The following CDIP1 variants were observed in gnomAD, a reference collection of about 807,000 sequenced individuals.
CDIP1 encodes the protein cell death-inducing p53-target protein 1.
In CDIP1, 9 loss-of-function variants were observed where a neutral mutation model predicts 17.7. That is an observed-to-expected ratio of 0.51 (90% CI 0.31 to 0.89). CDIP1 has a LOEUF of 0.89. Among genes scored for constraint, CDIP1 ranks in the 40% least tolerant of loss-of-function variants. The pLI is 0.05. For synonymous variants in CDIP1, 117 were observed against 109.5 expected, an observed-to-expected ratio of 1.07 and a Z score of -0.43; for missense variants, 263 against 277.9, an observed-to-expected ratio of 0.95 and a Z score of 0.38.
chr16:4,515,121 G>C (rs2058876013), intron 1 of CDIP1: 1 of 152,212 alleles, frequency 6.6e-6, no homozygotes, highest in Admixed American at 6.5e-5. Flanking sequence ...TAAAGGACTT[G>C]GGAAGTGGGG....
At chr16:4,515,357 G>A (rs1006681536) in intron 1 of CDIP1, among the ~76,000 whole-genome samples, 1 of 152,150 alleles carries the variant, frequency 6.6e-6, no homozygotes, top group African/African-American at 2.4e-5. Flanking sequence ...AACTGAAAGA[G>A]ATCAAAAAGC....
intron 1 of CDIP1, among the ~76,000 whole-genome samples, chr16:4,527,967 C>T (rs1204552307): frequency 2.6e-5 from 4 of 152,280 alleles, no homozygotes; most frequent in Non-Finnish European, 4.4e-5. Flanking sequence ...CACGCACCCG[C>T]CACTAAGCCT....
intron 1 of CDIP1, among the ~76,000 whole-genome samples, chr16:4,534,024 A>C (rs865184): frequency 0.96 from 146,784 of 152,114 alleles, 71,043 homozygotes; most frequent in East Asian, 1. Context: ...GATCTCGGCT[A>C]GCTGCAACCC....
chr16:4,533,205 G>C (rs1242623059), intron 1 of CDIP1: 3 of 152,302 alleles, frequency 2.0e-5, no homozygotes, highest in Non-Finnish European at 4.4e-5. Context: ...GGTGAGGCCT[G>C]TCATGGGCTT....
Position 4,514,432 on chromosome 16 carries a change from G to C in CDIP1, c.-15+143C>G. The C allele has an allele frequency of 2.6e-6, 1 of 384,870 alleles. No homozygotes were observed. The highest frequency in any genetic ancestry group is 6.0e-5 in the South Asian group (1 of 16,596). 23.8% of individuals were successfully genotyped at this position (384,870 alleles called of 1,614,324 possible). ...AAAGTCCCCCAAGGAGCCTAACTCA[G>C]CACTTGCCCCACACGAGAGCAGTTT... On this transcript the variant is annotated intron_variant, in intron 2 of 5. Coordinates refer to ENST00000567695, the MANE Select transcript of CDIP1 (RefSeq NM_013399.3). The surrounding 1 kb of genome is among the most constrained non-coding windows in gnomAD (Gnocchi z 5.2).
At chr16:4,516,698 CTTTTTTT>C (rs767463500) in intron 1 of CDIP1, among the ~76,000 whole-genome samples, 15 of 78,094 alleles carry the variant, frequency 1.9e-4, no homozygotes, top group Admixed American at 1.2e-3. Flanking sequence ...GTTTTAAATC[CTTTTTTT>C]TTTTTTTTTT....
chr16:4,528,342 G>C lies in CDIP1; in HGVS notation c.-105+10360C>G, dbSNP rs78765092. 1.8e-3 allele frequency among the ~76,000 whole-genome samples: 275 copies of C among 152,320 alleles called. 4 individuals are homozygous for C. The highest frequency in any genetic ancestry group is 6.4e-3 in the African/African-American group (265 of 41,570). ...TATCCTCCAGCCTCTGCCTCGCTAA[G>C]AGCTGGGATTACAGGCGTGAGCCAC... On this transcript the variant is annotated intron_variant, in intron 1 of 5. Coordinates refer to ENST00000567695, the MANE Select transcript of CDIP1 (RefSeq NM_013399.3).
Position 4,511,610 on chromosome 16 carries a change from G to C in CDIP1, c.*962C>G, listed in dbSNP as rs2058830326. 6.6e-6 allele frequency: 1 copy of C among 152,404 alleles called. No individual in the cohort carries two copies. Among genetic ancestry groups the C allele is most frequent in the African/African-American group, 2.4e-5 (1 of 41,466 alleles). The allele number at this position is 152,404 out of a possible 1,614,324, so 9.4% of individuals were successfully genotyped here. A position where few individuals can be genotyped will look rare whatever the true frequency, so the allele number is the denominator to read the frequency against. On this transcript the variant is annotated 3_prime_UTR_variant, in exon 6 of 6. Transcript: ENST00000567695. The stretch of plus-strand genomic sequence containing the variant: ...GCACAGCAACAGCCTGTCAGCTGGG[G>C]TGAGGGGCCCGGCACTTACAGGGAA...
In CDIP1 at chr16:4,512,690, C is replaced by CA. The variant is rs1297186902; in HGVS notation, c.516-8dup. On this transcript the variant is annotated splice_polypyrimidine_tract_variant and splice_region_variant and intron_variant, in intron 5 of 5. Transcript: ENST00000567695. The surrounding 1 kb of genome is among the most constrained non-coding windows in gnomAD (Gnocchi z 4.6). ...GCAGCAGCCCAGATCACATCTGAATCAGAGACAGGGAAGAACAGGCTGAGG... is the reference window on the plus strand; with the variant it reads ...GCAGCAGCCCAGATCACATCTGAATCAAGAGACAGGGAAGAACAGGCTGAGG... The CA allele has an allele frequency of 6.2e-7, 1 of 1,611,314 alleles. No individual in the cohort carries two copies.
rs556456846 is a variant in CDIP1 at position 4,513,972 on chromosome 16, C to G, written c.85+74G>C. On this transcript the variant is annotated intron_variant, in intron 3 of 5. Coordinates refer to ENST00000567695, the MANE Select transcript of CDIP1 (RefSeq NM_013399.3). This position sits in a 1 kb window ranked among gnomAD's most constrained non-coding sequence, Gnocchi z 4.1. ...GGGGTAACCCTGGAGTGGGCATCACCACTTAGAGAGTCCCAACCATGCCAT... is the reference window on the plus strand; with the variant it reads ...GGGGTAACCCTGGAGTGGGCATCACGACTTAGAGAGTCCCAACCATGCCAT... The G allele has an allele frequency of 7.5e-7, 1 of 1,337,104 alleles. No individual in the cohort carries two copies. The highest frequency in any genetic ancestry group is 2.6e-5 in the Admixed American group (1 of 39,134). The allele number at this position is 1,337,104 out of a possible 1,614,324, so 82.8% of individuals were successfully genotyped here.
chr16:4,526,783 C>T (rs2059005639), intron 1 of CDIP1, among the ~76,000 whole-genome samples: 1 of 151,544 alleles, frequency 6.6e-6, no homozygotes, highest in Admixed American at 6.6e-5. Flanking sequence ...ATCAGCCCAA[C>T]CCCATGGCCC....
intron 1 of CDIP1, among the ~76,000 whole-genome samples, chr16:4,520,280 T>A (rs2058931804): frequency 6.6e-6 from 1 of 152,114 alleles, no homozygotes; most frequent in Non-Finnish European, 1.5e-5. Context: ...AATTTTTGTA[T>A]TTTTAGTAGA....
chr16:4,512,470 G>A lies in CDIP1; in HGVS notation c.*102C>T, dbSNP rs1444408750. The A allele has an allele frequency of 1.2e-6, 1 of 837,658 alleles. No homozygotes were observed. The highest frequency in any genetic ancestry group is 2.0e-6 in the Non-Finnish European group (1 of 493,094). 51.9% of individuals were successfully genotyped at this position (837,658 alleles called of 1,614,324 possible). On this transcript the variant is annotated 3_prime_UTR_variant, in exon 6 of 6. Transcript: ENST00000567695. This position sits in a 1 kb window ranked among gnomAD's most constrained non-coding sequence, Gnocchi z 4.6. ...AGGACTTCTAGGGGATGGTGGCACG[G>A]CTCCCAGCCCCAAGTGGGAGCGGGA...
In CDIP1 at chr16:4,514,102, G is replaced by A. The variant is rs2058864169; in HGVS notation, c.29C>T (p.Pro10Leu). The A allele has an allele frequency of 6.5e-7, 1 of 1,545,254 alleles. No homozygotes were observed. The highest frequency in any genetic ancestry group is 8.6e-7 in the Non-Finnish European group (1 of 1,156,742). The change falls in exon 3 of 6, where the codon CCT (proline) becomes CTT (leucine). Residue 10 changes from proline to leucine, a missense_variant. Transcript: ENST00000567695. The surrounding 1 kb of genome is among the most constrained non-coding windows in gnomAD (Gnocchi z 5.2). The stretch of plus-strand genomic sequence containing the variant: ...CAGAAGTGGGGCTGTGGGGCCCCCA[G>A]GATAAGGAGGGGGAGGCTCGCTGGA... The part of the protein sequence containing the change: MSSEPPPPY[P>L]GGPTAPLLEE...
intron 1 of CDIP1, among the ~76,000 whole-genome samples, chr16:4,523,567 A>G (rs755744327): frequency 9.9e-5 from 15 of 152,208 alleles, no homozygotes; most frequent in Admixed American, 4.6e-4. Context: ...CGGTCAAGTG[A>G]AGAGGATGAG....
At chr16:4,522,067 A>C (rs191044808) in intron 1 of CDIP1, among the ~76,000 whole-genome samples, 1 of 152,326 alleles carries the variant, frequency 6.6e-6, no homozygotes, top group Admixed American at 6.5e-5. Flanking sequence ...TAATATGACT[A>C]CAAGGGGATG....
intron 1 of CDIP1, among the ~76,000 whole-genome samples, chr16:4,520,583 G>A (rs1355614644): frequency 6.6e-6 from 1 of 152,082 alleles, no homozygotes; most frequent in Non-Finnish European, 1.5e-5. Flanking sequence ...TTCCTGTAAT[G>A]CAGATCTACC....
At chr16:4,520,403 G>C (rs757448515) in intron 1 of CDIP1, among the ~76,000 whole-genome samples, 1 of 152,252 alleles carries the variant, frequency 6.6e-6, no homozygotes, top group Non-Finnish European at 1.5e-5. Flanking sequence ...GCACTTGACC[G>C]ACAAGTGGTA....
chr16:4,518,580 T>C (rs557254418), intron 1 of CDIP1, among the ~76,000 whole-genome samples: 102 of 152,320 alleles, frequency 6.7e-4, no homozygotes, highest in Non-Finnish European at 1.3e-3. Context: ...GTCCTCCTGC[T>C]GCCTTCCTGA....
Sources: allele counts gnomAD v4.1 joint callset (sites outside exome capture counted in the v4.1 genomes callset), GRCh38; gene constraint gnomAD v4.1.1; non-coding constraint Gnocchi (gnomAD v3.1); transcripts MANE v1.5; gene names NCBI Gene and HGNC (gene_info 2026-07-23, HGNC 2026-07-21).